The following PABPC1L variants were observed in gnomAD, a reference collection of about 807,000 sequenced individuals.
The protein encoded by PABPC1L is poly(A) binding protein cytoplasmic 1 like.
In PABPC1L, 31 loss-of-function variants were observed where a neutral mutation model predicts 66.6. The observed-to-expected ratio is 0.47, with a 90% CI of 0.35 to 0.63. PABPC1L has a LOEUF of 0.63. PABPC1L is among the 20% of genes least tolerant of loss of function. The pLI is 0.00. For missense variants in PABPC1L, 722 were observed against 848.8 expected (o/e 0.85, Z 1.86); for synonymous variants, 348 against 335.1 (o/e 1.04, Z -0.42).
chr20:44,932,708 G>C (rs1023838989), intron 9 of PABPC1L: 16 of 509,764 alleles, frequency 3.1e-5, no homozygotes, highest in Non-Finnish European at 4.6e-5. Context: ...TTGCAAAGCT[G>C]AGAAGGTGAA....
rs1435307254 is a variant in PABPC1L at position 44,919,035 on chromosome 20, C to T, written c.633C>T (p.Phe211=). ...DVDEQGLQDL[F]SQFGKMLSVK... is the part of the protein sequence containing the mutation. ...ACGAGCAAGGCCTGCAGGACCTCTT[C>T]TCCCAGTTTGGTGGGTGTGTCCCCA... Residue 211 remains phenylalanine (F), a synonymous_variant, in exon 4 of 15, where the codon TTC becomes TTT. Transcript: ENST00000217073. 2.5e-6 allele frequency: 4 copies of T among 1,611,810 alleles called. No individual in the cohort carries two copies. Among genetic ancestry groups the T allele is most frequent in the Admixed American group, 1.7e-5 (1 of 59,828 alleles).
intron 10 of PABPC1L, among the ~76,000 whole-genome samples, chr20:44,934,673 AATAATATT>A (rs1302944448): frequency 2.6e-5 from 4 of 152,226 alleles, no homozygotes; most frequent in Non-Finnish European, 5.9e-5. Context: ...ATTAAGGCTA[AATAATATT>A]CCATTGTATG....
At chr20:44,929,038 C>G (rs1383535090) in intron 7 of PABPC1L, among the ~76,000 whole-genome samples, 2 of 150,962 alleles carry the variant, frequency 1.3e-5, no homozygotes, top group East Asian at 3.9e-4. Flanking sequence ...CTTGGGAGAC[C>G]TAGGTAGGAG....
rs907099726 is a variant in PABPC1L at position 44,930,316 on chromosome 20, A to G, written c.973-144A>G. On this transcript the variant is annotated intron_variant, in intron 7 of 14. Coordinates refer to ENST00000217073, the MANE Select transcript of PABPC1L (RefSeq NM_001372179.1). ...ATCCCTCGAACACAGCTTAGTAAAC[A>G]GGGGTGCACGCTACATCCCTCCATC... 3.6e-6 allele frequency: 4 copies of G among 1,125,362 alleles called. No individual in the cohort carries two copies. The Middle Eastern group carries it at 9.1e-4, about 255-fold the overall frequency. 69.7% of individuals were successfully genotyped at this position (1,125,362 alleles called of 1,614,324 possible). A position where few individuals can be genotyped will look rare whatever the true frequency, so the allele number is the denominator to read the frequency against.
chr20:44,930,339 A>G (rs2066842245), intron 7 of PABPC1L, 121 bp from the exon 8 acceptor site: 1 of 1,351,136 alleles, frequency 7.4e-7, no homozygotes. Flanking sequence ...ACATCCCTCC[A>G]TCACAGCTTT....
chr20:44,938,735 T>A lies in PABPC1L; in HGVS notation c.1853T>A (p.Met618Lys), dbSNP rs1182118680. The change falls in exon 14 of 15, where the codon ATG becomes AAG. Residue 618 changes from methionine to lysine, a missense_variant. Around this residue, in one of 3 missense-constraint regions of PABPC1L, gnomAD observed 301 missense variants for 337.2 expected, o/e 0.89. Coordinates refer to ENST00000217073, the MANE Select transcript of PABPC1L (RefSeq NM_001372179.1). ...GCTATGGAGCAGCCGAAGGCGTACA[T>A]GCACTGAAACCAGGTGGGTGGAATG... ...HQAMEQPKAY[M>K]H 1 of 1,611,354 alleles carries A rather than the reference T, an allele frequency of 6.2e-7. No homozygotes were observed. The highest frequency in any genetic ancestry group is 8.5e-7 in the Non-Finnish European group (1 of 1,178,996).
intron 7 of PABPC1L, among the ~76,000 whole-genome samples, chr20:44,924,753 C>T (rs965196708): frequency 6.6e-6 from 1 of 152,178 alleles, no homozygotes; most frequent in African/African-American, 2.4e-5. Context: ...GCTCTATGAG[C>T]TTTAGCAGAT....
At chr20:44,922,331 C>T (rs534546182) in intron 6 of PABPC1L, among the ~76,000 whole-genome samples, 1 of 152,240 alleles carries the variant, frequency 6.6e-6, no homozygotes, top group South Asian at 2.1e-4. Flanking sequence ...TGCAACCTCT[C>T]ACTCCTGGGT....
chr20:44,910,246 G>C lies in PABPC1L; in HGVS notation c.103G>C (p.Gly35Arg). Residue 35 changes from glycine (G) to arginine (R), a missense_variant, in exon 1 of 15, where the codon GGC becomes CGC. Coordinates refer to ENST00000217073, the MANE Select transcript of PABPC1L (RefSeq NM_001372179.1). Reference protein sequence around the residue: ...AMLYEKFSPAGPILSIRVCRD... With the variant: ...AMLYEKFSPARPILSIRVCRD... ...GCTCTATGAGAAGTTCTCTCCCGCC[G>C]GCCCCATCCTGTCCATCCGCGTGTG... is the stretch of plus-strand genomic sequence containing the variant. 1 of 1,567,220 alleles carries C rather than the reference G, an allele frequency of 6.4e-7. No individual in the cohort carries two copies. The highest frequency in any genetic ancestry group is 8.6e-7 in the Non-Finnish European group (1 of 1,156,202).
At chr20:44,915,449 C>G (rs184948212) in intron 2 of PABPC1L, among the ~76,000 whole-genome samples, 4 of 152,192 alleles carry the variant, frequency 2.6e-5, no homozygotes, top group Admixed American at 2.0e-4. Flanking sequence ...CAAGTTCTGT[C>G]CTGCTGGCCT....
chr20:44,932,396 G>A lies in PABPC1L; in HGVS notation c.1294G>A (p.Ala432Thr). 6.2e-7 allele frequency: 1 copy of A among 1,613,608 alleles called. No homozygotes were observed. Among genetic ancestry groups the A allele is most frequent in the Non-Finnish European group, 8.5e-7 (1 of 1,179,698 alleles). Residue 432 changes from alanine (A) to threonine (T), a missense_variant, in exon 9 of 15, where the codon GCC becomes ACC. By Grantham distance (58) the Ala-to-Thr change is moderately conservative. Coordinates refer to ENST00000217073, the MANE Select transcript of PABPC1L (RefSeq NM_001372179.1). The stretch of plus-strand genomic sequence containing the variant: ...TGGCCCAGTGACACCCACCCAGCCT[G>A]CCCCCAGGTGGACATCCCAGCCACC... The part of the protein sequence containing the change: ...GCGPVTPTQP[A>T]PRWTSQPPRP...
chr20:44,932,968 C>A, intron 9 of PABPC1L, 89 bp from the exon 10 acceptor site: 2 of 771,532 alleles, frequency 2.6e-6, no homozygotes, highest in Admixed American at 2.5e-5. Flanking sequence ...CTCTTGGTGG[C>A]CCTGGAAGCT....
intron 7 of PABPC1L, among the ~76,000 whole-genome samples, chr20:44,925,232 C>T (rs150004450): frequency 0.025 from 3,412 of 136,078 alleles, 70 homozygotes; most frequent in Non-Finnish European, 0.034. Flanking sequence ...AAAAAAAAAG[C>T]GCCCAGATGG....
Position 44,930,326 on chromosome 20 carries a change from G to A in PABPC1L, c.973-134G>A, listed in dbSNP as rs193097571. The stretch of plus-strand genomic sequence containing the variant: ...CACAGCTTAGTAAACAGGGGTGCAC[G>A]CTACATCCCTCCATCACAGCTTTCT... On this transcript the variant is annotated intron_variant, in intron 7 of 14. Transcript: ENST00000217073. 19 of 1,240,328 alleles carry A rather than the reference G, an allele frequency of 1.5e-5. No individual in the cohort carries two copies. In the African/African-American group the frequency reaches 1.7e-4, roughly 11 times the overall value. The allele number at this position is 1,240,328 out of a possible 1,614,324, so 76.8% of individuals were successfully genotyped here. A position where few individuals can be genotyped will look rare whatever the true frequency, so the allele number is the denominator to read the frequency against.
intron 12 of PABPC1L, 108 bp downstream of exon 12, chr20:44,936,838 C>A: frequency 8.7e-7 from 1 of 1,154,974 alleles, no homozygotes; most frequent in Non-Finnish European, 1.3e-6. Flanking sequence ...CAAATTCCAG[C>A]TTTGTCACCG....
Position 44,930,437 on chromosome 20 carries a change from C to CTT in PABPC1L, c.973-22_973-21insTT, listed in dbSNP as rs1555799547. 1.8e-5 allele frequency: 29 copies of CTT among 1,601,534 alleles called. 1 individual carries two copies. In the Middle Eastern group the frequency reaches 5.0e-4, roughly 28 times the overall value. On this transcript the variant is annotated intron_variant, in intron 7 of 14. Transcript: ENST00000217073. The stretch of plus-strand genomic sequence containing the variant: ...GAGCCTTCCTTCCCCACCCCAGCAG[C>CTT]TCTTGTCTTGTCTTGCTTTTAGGTG...
At chr20:44,923,985 A>C (rs559412575) in intron 6 of PABPC1L, among the ~76,000 whole-genome samples, 176 bp from the exon 7 acceptor site, 3 of 152,264 alleles carry the variant, frequency 2.0e-5, no homozygotes, top group African/African-American at 7.2e-5. Context: ...TACAGCTTGC[A>C]TGTGATGGGC....
At chr20:44,926,794 G>A (rs538044858) in intron 7 of PABPC1L, among the ~76,000 whole-genome samples, 6 of 152,222 alleles carry the variant, frequency 3.9e-5, no homozygotes, top group East Asian at 3.9e-4. Flanking sequence ...TGATCTGCCC[G>A]CCTTGGCCTC....
chr20:44,930,681 C>A lies in PABPC1L; in HGVS notation c.1194C>A (p.Gly398=). ...GGACCCTGAGCAACCCCCTCCTGGG[C>A]TCCTTTCAGCAGCCCTCCAGCTACT... The part of the protein sequence containing the change: ...TMRTLSNPLL[G]SFQQPSSYFL... The change falls in exon 8 of 15, where the codon GGC becomes GGA. Residue 398 remains glycine (G), a synonymous_variant. Coordinates refer to ENST00000217073, the MANE Select transcript of PABPC1L (RefSeq NM_001372179.1). The A allele has an allele frequency of 2.5e-6, 4 of 1,614,138 alleles. No individual in the cohort carries two copies. The highest frequency in any genetic ancestry group is 3.4e-6 in the Non-Finnish European group (4 of 1,180,034).
Sources: allele counts gnomAD v4.1 joint callset (sites outside exome capture counted in the v4.1 genomes callset), GRCh38; gene constraint gnomAD v4.1.1; regional missense constraint gnomAD v4.1.1; transcripts MANE v1.5; gene names NCBI Gene and HGNC (gene_info 2026-07-23, HGNC 2026-07-21).